Variants in OSBPL6 observed in about 807,000 individuals in gnomAD.
OSBPL6 encodes oxysterol-binding protein-related protein 6.
Under a neutral mutation model 125.8 loss-of-function variants are expected in OSBPL6, and 49 were observed. That is an observed-to-expected ratio of 0.39 (90% CI 0.31 to 0.49). The LOEUF (loss-of-function observed/expected upper bound fraction) is 0.49, where lower values mean the gene tolerates loss of function less well. Ranked by LOEUF, OSBPL6 falls within the 20% of genes least tolerant of loss-of-function variation. OSBPL6 has a pLI of 0.88. For missense variants in OSBPL6, 986 were observed against 1,135.4 expected, an observed-to-expected ratio of 0.87 and a Z score of 1.89; for synonymous variants, 394 against 391.8, an observed-to-expected ratio of 1.01 and a Z score of -0.07.
intron 12 of OSBPL6, among the ~76,000 whole-genome samples, chr2:178,357,602 G>A (rs1411962521): frequency 6.6e-6 from 1 of 152,182 alleles, no homozygotes; most frequent in African/African-American, 2.4e-5. Flanking sequence ...TGGAGAGGAT[G>A]TGGAGAAATA....
At position 178,324,263 on chromosome 2, in the gene OSBPL6, C is replaced by T; in HGVS notation, c.189C>T (p.Leu63=). The T allele has an allele frequency of 6.4e-7, 1 of 1,565,694 alleles. No homozygotes were observed. Among genetic ancestry groups the T allele is most frequent in the Non-Finnish European group, 8.7e-7 (1 of 1,148,268 alleles). ...TGCTAGAACCGGAGCCAGTCCCCCTCTCCAAGGTCAGTGATGAAATGCGGT... is the reference window on the plus strand; with the variant it reads ...TGCTAGAACCGGAGCCAGTCCCCCTTTCCAAGGTCAGTGATGAAATGCGGT... ...RQLLEPEPVP[L]SKEADSWEII... is the part of the protein sequence containing the mutation. The change falls in exon 4 of 25, where the codon CTC becomes CTT. Residue 63 remains leucine (L), a synonymous_variant. Coordinates refer to ENST00000190611, the MANE Select transcript of OSBPL6 (RefSeq NM_032523.4).
At chr2:178,385,027 T>C (rs1480741845) in intron 18 of OSBPL6, among the ~76,000 whole-genome samples, 1 of 151,396 alleles carries the variant, frequency 6.6e-6, no homozygotes, top group South Asian at 2.1e-4. Context: ...TAAGTGGGAG[T>C]TGAACAATGA....
chr2:178,378,108 C>T (rs1163689064), intron 15 of OSBPL6, among the ~76,000 whole-genome samples: 1 of 152,174 alleles, frequency 6.6e-6, no homozygotes, highest in East Asian at 1.9e-4. Context: ...GGACTACAGG[C>T]ATGAGCCACT....
chr2:178,268,025 A>G (rs185385765), intron 1 of OSBPL6, among the ~76,000 whole-genome samples: 52 of 152,194 alleles, frequency 3.4e-4, no homozygotes, highest in African/African-American at 1.2e-3. Context: ...GACTGATTCA[A>G]GGCTGGAGAA....
chr2:178,229,355 T>G (rs572730433), intron 1 of OSBPL6, among the ~76,000 whole-genome samples: 1 of 152,254 alleles, frequency 6.6e-6, no homozygotes, highest in East Asian at 1.9e-4. Context: ...AATGAAATAA[T>G]ATAAAAAATT....
In OSBPL6 at chr2:178,324,306, G is replaced by A. The variant is rs1286020504; in HGVS notation, c.195+37G>A. ...AATGCGGTGCTTTCTCTGCTGGCAT[G>A]ATGCCTGCTCTGGGGCCAATTGAAC... On this transcript the variant is annotated intron_variant, in intron 4 of 24. Coordinates refer to ENST00000190611, the MANE Select transcript of OSBPL6 (RefSeq NM_032523.4). The A allele has an allele frequency of 9.2e-6, 13 of 1,408,958 alleles. 1 individual carries two copies. In the African/African-American group the frequency reaches 1.8e-4, roughly 20 times the overall value. The allele number at this position is 1,408,958 out of a possible 1,614,324, so 87.3% of individuals were successfully genotyped here.
At chr2:178,262,645 G>A (rs975727572) in intron 1 of OSBPL6, among the ~76,000 whole-genome samples, 5 of 152,080 alleles carry the variant, frequency 3.3e-5, no homozygotes, top group South Asian at 2.1e-4. Flanking sequence ...TTGATATTTC[G>A]ACAGGAAGTA....
Position 178,384,190 on chromosome 2 carries a change from G to T in OSBPL6, c.2013+14G>T. The T allele has an allele frequency of 1.2e-6, 2 of 1,610,686 alleles. No homozygotes were observed. The highest frequency in any genetic ancestry group is 4.5e-5 in the East Asian group (2 of 44,764). On this transcript the variant is annotated intron_variant, in intron 18 of 24. Transcript: ENST00000190611. ...TTCTCAGAACAGGTAAGCGCCACTG[G>T]ACTCAGTGAGGTTTCTATATAGGTA... is the stretch of plus-strand genomic sequence containing the variant.
intron 1 of OSBPL6, among the ~76,000 whole-genome samples, chr2:178,257,110 T>C (rs116648484): frequency 0.011 from 1,615 of 152,346 alleles, 28 homozygotes; most frequent in African/African-American, 0.037. Context: ...TTGAGTCCCA[T>C]TAAGAATTTA....
chr2:178,228,402 GCGT>G (rs374958747), intron 1 of OSBPL6, among the ~76,000 whole-genome samples: 2 of 152,216 alleles, frequency 1.3e-5, no homozygotes, highest in East Asian at 1.9e-4. Flanking sequence ...GGGTGTGGTG[GCGT>G]GCGCCTGTAG....
chr2:178,232,791 G>C (rs1387683524), intron 1 of OSBPL6, among the ~76,000 whole-genome samples: 2 of 151,636 alleles, frequency 1.3e-5, no homozygotes, highest in African/African-American at 4.8e-5. Context: ...CTCCCAATTG[G>C]TCTTTCAAAA....
chr2:178,208,149 G>T (rs142656266), intron 1 of OSBPL6, among the ~76,000 whole-genome samples: 2,012 of 152,162 alleles, frequency 0.013, 37 homozygotes, highest in African/African-American at 0.046. Context: ...AGCCAGCGTG[G>T]TGGCACGTGC....
intron 1 of OSBPL6, among the ~76,000 whole-genome samples, chr2:178,239,592 TTTTATTTATTTATTTATTTATTTA>T (rs80019586): frequency 7.2e-6 from 1 of 138,712 alleles, no homozygotes; most frequent in Non-Finnish European, 1.5e-5. Flanking sequence ...ATGAACTTTA[TTTTATTTATTTATTTATTTATTTA>T]TTTATTTATT....
Position 178,401,397 on chromosome 2 carries a change from A to G in OSBPL6, c.*5838A>G, listed in dbSNP as rs1250191015. ...CAAAGTTACTAAACCTAGTTTTGAA[A>G]AAGCAATGGAAATGAAAGTGTCCAG... On this transcript the variant is annotated 3_prime_UTR_variant, in exon 25 of 25. Coordinates refer to ENST00000190611, the MANE Select transcript of OSBPL6 (RefSeq NM_032523.4). 2 of 152,230 alleles carry G rather than the reference A, an allele frequency of 1.3e-5. No individual in the cohort carries two copies. The highest frequency in any genetic ancestry group is 6.5e-5 in the Admixed American group (1 of 15,274). 9.4% of individuals were successfully genotyped at this position (152,230 alleles called of 1,614,324 possible). A position where few individuals can be genotyped will look rare whatever the true frequency, so the allele number is the denominator to read the frequency against.
chr2:178,299,457 T>C (rs1375196936), intron 2 of OSBPL6, among the ~76,000 whole-genome samples: 1 of 152,232 alleles, frequency 6.6e-6, no homozygotes, highest in Non-Finnish European at 1.5e-5. Flanking sequence ...CATTATTTTT[T>C]AGAATATTCT....
At chr2:178,353,299 G>A (rs55633450) in intron 12 of OSBPL6, among the ~76,000 whole-genome samples, 9,323 of 152,236 alleles carry the variant, frequency 0.061, 364 homozygotes, top group South Asian at 0.15. Flanking sequence ...AAACTTCTCC[G>A]AGTTAAAGGA....
intron 1 of OSBPL6, among the ~76,000 whole-genome samples, chr2:178,267,209 C>T (rs1339752461): frequency 6.6e-6 from 1 of 151,930 alleles, no homozygotes; most frequent in Non-Finnish European, 1.5e-5. Flanking sequence ...TAAAAATTAG[C>T]CGGGCATGGT....
At chr2:178,296,924 A>C (rs1026176023) in intron 2 of OSBPL6, among the ~76,000 whole-genome samples, 2 of 152,224 alleles carry the variant, frequency 1.3e-5, no homozygotes, top group African/African-American at 4.8e-5. Flanking sequence ...TGGCTTGCAT[A>C]AACACTGCTA....
At chr2:178,351,589 A>G (rs1691261750) in intron 12 of OSBPL6, among the ~76,000 whole-genome samples, 1 of 152,268 alleles carries the variant, frequency 6.6e-6, no homozygotes, top group African/African-American at 2.4e-5. Context: ...AGAGGACACA[A>G]ATAAATGAAA....
Sources: allele counts gnomAD v4.1 joint callset (sites outside exome capture counted in the v4.1 genomes callset), GRCh38; gene constraint gnomAD v4.1.1; transcripts MANE v1.5; gene names NCBI Gene and HGNC (gene_info 2026-07-23, HGNC 2026-07-21).